Variants in NTM observed in about 807,000 individuals in gnomAD.
The protein encoded by NTM is neurotrimin.
NTM carries 13 observed loss-of-function variants against 42.1 expected under a neutral mutation model. The observed-to-expected ratio is 0.31, with a 90% CI of 0.20 to 0.49. The LOEUF is 0.49. NTM is among the 20% of genes least tolerant of loss of function. The pLI, the probability that NTM is intolerant of heterozygous loss-of-function variation, is 0.99. For missense variants in NTM, 373 were observed against 452.8 expected (o/e 0.82, Z 1.60); for synonymous variants, 187 against 179.2 (o/e 1.04, Z -0.35).
At chr11:132,041,214 A>T (rs145302560) in intron 2 of NTM, among the ~76,000 whole-genome samples, 29,570 of 128,940 alleles carry the variant, frequency 0.23, 3,088 homozygotes, top group Admixed American at 0.28. Flanking sequence ...TGTGTGTGAG[A>T]GAGAGAGAGA....
At chr11:132,304,559 T>C (rs1591865915) in intron 4 of NTM, among the ~76,000 whole-genome samples, 1 of 152,194 alleles carries the variant, frequency 6.6e-6, no homozygotes, top group East Asian at 1.9e-4. Context: ...GTTTAGTGTT[T>C]TGGGGGGCTT....
chr11:132,200,116 G>A (rs185862763), intron 3 of NTM, among the ~76,000 whole-genome samples: 126 of 152,214 alleles, frequency 8.3e-4, no homozygotes, highest in African/African-American at 2.8e-3. Context: ...AAGGAGCTTC[G>A]CCTTGATCTA....
Position 132,314,841 on chromosome 11 carries a change from G to GAGACAC in NTM, c.934+142_934+147dup, listed in dbSNP as rs1240954908. 3.6e-6 allele frequency: 5 copies of GAGACAC among 1,395,722 alleles called. No individual in the cohort carries two copies. In the African/African-American group the frequency reaches 5.8e-5, roughly 16 times the overall value. The allele number at this position is 1,395,722 out of a possible 1,614,324, so 86.5% of individuals were successfully genotyped here. A position where few individuals can be genotyped will look rare whatever the true frequency, so the allele number is the denominator to read the frequency against. Reference sequence around the variant, plus strand: ...ATGGAGAGGGAGGAAAAAAAAGAGAGAGACACAGAAAGAAATGGAGAGAGA... The same window carrying GAGACAC: ...ATGGAGAGGGAGGAAAAAAAAGAGAGAGACACAGACACAGAAAGAAATGGAGAGAGA... On this transcript the variant is annotated intron_variant, in intron 7 of 8. Transcript: ENST00000683400.
intron 1 of NTM, among the ~76,000 whole-genome samples, chr11:131,486,474 C>G (rs1276535473): frequency 2.0e-5 from 3 of 152,196 alleles, no homozygotes; most frequent in African/African-American, 7.2e-5. Context: ...GGATGCTCTT[C>G]AATGGGGATG....
chr11:131,842,624 A>T (rs2044399716), intron 1 of NTM, among the ~76,000 whole-genome samples: 3 of 152,218 alleles, frequency 2.0e-5, no homozygotes, highest in African/African-American at 7.2e-5. Flanking sequence ...TGAAAAAGAC[A>T]TTGCAAGAGA....
chr11:132,244,569 G>C (rs1292199762), intron 4 of NTM, among the ~76,000 whole-genome samples: 8 of 152,118 alleles, frequency 5.3e-5, no homozygotes, highest in African/African-American at 1.9e-4. Context: ...TCTCTCTCTG[G>C]CTCTAGGCTA....
chr11:131,561,541 G>A (rs2056228528), intron 1 of NTM, among the ~76,000 whole-genome samples: 1 of 152,164 alleles, frequency 6.6e-6, no homozygotes, highest in Non-Finnish European at 1.5e-5. Flanking sequence ...ACCCAACCAA[G>A]GCAAAAAACT....
intron 1 of NTM, among the ~76,000 whole-genome samples, chr11:131,674,470 C>A (rs73583649): frequency 2.0e-5 from 3 of 152,218 alleles, no homozygotes; most frequent in African/African-American, 7.2e-5. Flanking sequence ...GATGGTGCTT[C>A]TGCTTCCCTG....
chr11:131,987,500 A>C (rs2066273445), intron 2 of NTM, among the ~76,000 whole-genome samples: 1 of 152,050 alleles, frequency 6.6e-6, no homozygotes, highest in African/African-American at 2.4e-5. Context: ...TTCTGCAGTA[A>C]ACAAATGTAT....
At chr11:132,192,819 A>C (rs1437049631) in intron 3 of NTM, among the ~76,000 whole-genome samples, 3 of 152,188 alleles carry the variant, frequency 2.0e-5, no homozygotes, top group Non-Finnish European at 4.4e-5. Context: ...TGTATCAGTC[A>C]AACAGAAAAT....
At chr11:132,064,558 C>T (rs750781855) in intron 2 of NTM, among the ~76,000 whole-genome samples, 1 of 152,150 alleles carries the variant, frequency 6.6e-6, no homozygotes, top group Non-Finnish European at 1.5e-5. Context: ...ATAGTGAGGC[C>T]TCCTACAATG....
chr11:131,601,127 G>T (rs1279645721), intron 1 of NTM, among the ~76,000 whole-genome samples: 1 of 152,230 alleles, frequency 6.6e-6, no homozygotes, highest in Non-Finnish European at 1.5e-5. Context: ...AGGCAGGATG[G>T]GATCTGAGAG....
At chr11:132,127,070 G>A (rs2065959514) in intron 2 of NTM, among the ~76,000 whole-genome samples, 1 of 151,966 alleles carries the variant, frequency 6.6e-6, no homozygotes, top group Admixed American at 6.6e-5. Flanking sequence ...TGCTTTTCTG[G>A]TGCGTTCTCC....
intron 1 of NTM, among the ~76,000 whole-genome samples, chr11:131,843,236 C>T (rs2044497766): frequency 6.6e-6 from 1 of 152,038 alleles, no homozygotes; most frequent in African/African-American, 2.4e-5. Flanking sequence ...ATCCATTTTC[C>T]CTGCTCCTGT....
intron 1 of NTM, among the ~76,000 whole-genome samples, chr11:131,731,465 G>A (rs561331210): frequency 7.2e-5 from 11 of 152,174 alleles, no homozygotes; most frequent in African/African-American, 2.7e-4. Flanking sequence ...TCTAGAAAAG[G>A]CCTTAAATGC....
intron 1 of NTM, among the ~76,000 whole-genome samples, chr11:131,595,492 C>A (rs1282203875): frequency 6.6e-6 from 1 of 152,208 alleles, no homozygotes; most frequent in Admixed American, 6.5e-5. Flanking sequence ...CTCTCATCAG[C>A]TGAGAAACTA....
intron 3 of NTM, among the ~76,000 whole-genome samples, chr11:132,179,790 C>T (rs1049220813): frequency 7.9e-5 from 12 of 151,988 alleles, no homozygotes; most frequent in South Asian, 2.1e-4. Context: ...TGGGGCTTGG[C>T]GACTGGTATG....
At chr11:131,800,336 A>G (rs2091996867) in intron 1 of NTM, among the ~76,000 whole-genome samples, 1 of 152,220 alleles carries the variant, frequency 6.6e-6, no homozygotes, top group Admixed American at 6.5e-5. Context: ...CATTTTGCCC[A>G]TCATTCTGTG....
chr11:132,214,903 C>T (rs1009813679), intron 4 of NTM, among the ~76,000 whole-genome samples: 2 of 152,134 alleles, frequency 1.3e-5, no homozygotes, highest in African/African-American at 4.8e-5. Context: ...TTAGTTATCC[C>T]GGATTCAAAA....
Sources: allele counts gnomAD v4.1 joint callset (sites outside exome capture counted in the v4.1 genomes callset), GRCh38; gene constraint gnomAD v4.1.1; transcripts MANE v1.5; gene names NCBI Gene and HGNC (gene_info 2026-07-23, HGNC 2026-07-21).